The following DMD variants were observed in gnomAD, a reference collection of about 807,000 sequenced individuals.
DMD encodes the protein dystrophin, also known as mutant dystrophin.
A neutral mutation model predicts 330.1 loss-of-function variants in DMD; 63 were observed. The ratio of observed to expected loss-of-function variants is 0.19; its 90% CI spans 0.16 to 0.24. The LOEUF (loss-of-function observed/expected upper bound fraction) is 0.24, where lower values mean the gene tolerates loss of function less well. Ranked by LOEUF, DMD falls within the 10% of genes least tolerant of loss-of-function variation. DMD has a pLI of 1.00. For synonymous variants in DMD, 1,223 were observed against 959.8 expected, an observed-to-expected ratio of 1.27 and a Z score of -5.07; for missense variants, 3,344 against 2,684.1, an observed-to-expected ratio of 1.25 and a Z score of -5.43.
In DMD at chrX:31,138,680, A is replaced by AGG. The variant is rs1255113373; in HGVS notation, c.10922-4487_10922-4486insCC. On this transcript the variant is annotated intron_variant, in intron 76 of 78. Coordinates refer to ENST00000357033, the MANE Select transcript of DMD (RefSeq NM_004006.3). ...GAGAGAGAGAGAGAGAGAGAGAGAG[A>AGG]GAGAGAGAAGGGGGAAGTGCCACAC... 4.0e-3 allele frequency among the ~76,000 whole-genome samples: 162 copies of AGG among 40,481 alleles called. 8 individuals carry two copies. In the East Asian group the frequency reaches 0.047, roughly 12 times the overall value. The allele number at this position is 40,481 out of a possible 115,157, so 35.2% of individuals were successfully genotyped here.
intron 7 of DMD, among the ~76,000 whole-genome samples, chrX:32,753,548 A>C (rs749794659): frequency 8.9e-6 from 1 of 111,898 alleles, no homozygotes; most frequent in East Asian, 2.8e-4. Flanking sequence ...GTATACTCCA[A>C]CCAAGCTTCA....
At chrX:32,547,891 A>G (rs2049135130) in intron 16 of DMD, among the ~76,000 whole-genome samples, 1 of 111,606 alleles carries the variant, frequency 9.0e-6, no homozygotes, top group Non-Finnish European at 1.9e-5. Flanking sequence ...TCTTGTTAAA[A>G]CTTGTTTTGA....
At chrX:32,849,149 T>C (rs142002844) in intron 3 of DMD, among the ~76,000 whole-genome samples, 2,244 of 111,612 alleles carry the variant, frequency 0.02, 55 homozygotes, top group African/African-American at 0.069. Context: ...AAGACGATTA[T>C]TTCAGTCAGG....
At position 32,546,055 on chromosome X, in the gene DMD, T is replaced by C. The variant is rs772990181; in HGVS notation, c.1993-721A>G. Among the ~76,000 whole-genome samples, 10 of 107,137 alleles carry C rather than the reference T, an allele frequency of 9.3e-5. No homozygotes were observed. In the South Asian group the frequency reaches 4.3e-3, roughly 46 times the overall value. The allele number at this position is 107,137 out of a possible 115,157, so 93.0% of individuals were successfully genotyped here. A position where few individuals can be genotyped will look rare whatever the true frequency, so the allele number is the denominator to read the frequency against. ...TTGGTTTAGAATCTCAATTACCTCCTGTTCATACTTTTGGCAGCGGGCCGG... is the reference window on the plus strand; with the variant it reads ...TTGGTTTAGAATCTCAATTACCTCCCGTTCATACTTTTGGCAGCGGGCCGG... On this transcript the variant is annotated intron_variant, in intron 16 of 78. Transcript: ENST00000357033.
intron 7 of DMD, among the ~76,000 whole-genome samples, chrX:32,711,961 C>A (rs1831929816): frequency 8.9e-6 from 1 of 111,896 alleles, no homozygotes; most frequent in Admixed American, 9.6e-5. Context: ...TCTTCATACC[C>A]TCATTGGTAA....
intron 34 of DMD, among the ~76,000 whole-genome samples, chrX:32,372,491 T>C (rs2097883107): frequency 9.0e-6 from 1 of 111,414 alleles, no homozygotes; most frequent in Non-Finnish European, 1.9e-5. Flanking sequence ...TCATCTCTAT[T>C]CTACAGCTAT....
In DMD at chrX:31,185,422, C is replaced by G. The variant is rs182924115; in HGVS notation, c.9808-2518G>C. 2.3e-4 allele frequency among the ~76,000 whole-genome samples: 26 copies of G among 111,816 alleles called. No individual in the cohort carries two copies. In the East Asian group the frequency reaches 7.0e-3, roughly 30 times the overall value. The stretch of plus-strand genomic sequence containing the variant: ...CTTTTTAAAACATCCTTCTGTGCTT[C>G]ATTCTTATTAATTCCTTCTGCCTTA... On this transcript the variant is annotated intron_variant, in intron 67 of 78. Coordinates refer to ENST00000357033, the MANE Select transcript of DMD (RefSeq NM_004006.3).
At chrX:31,634,408 T>C (rs1176491940) in intron 54 of DMD, among the ~76,000 whole-genome samples, 1 of 111,436 alleles carries the variant, frequency 9.0e-6, no homozygotes, top group African/African-American at 3.3e-5. Context: ...CATTCCCATC[T>C]TTTGTCACCC....
At chrX:31,840,399 TATG>T (rs1244312292) in intron 48 of DMD, among the ~76,000 whole-genome samples, 1 of 108,894 alleles carries the variant, frequency 9.2e-6, no homozygotes, top group Non-Finnish European at 1.9e-5. Flanking sequence ...GTGTATTAGA[TATG>T]ATAAATACAC....
chrX:32,473,510 G>A (rs1165123400), intron 21 of DMD, among the ~76,000 whole-genome samples: 1 of 111,255 alleles, frequency 9.0e-6, no homozygotes, highest in Admixed American at 9.6e-5. Flanking sequence ...TATTTTAATT[G>A]CTGGGATATG....
chrX:32,630,500 T>C (rs1331477830), intron 11 of DMD, among the ~76,000 whole-genome samples: 1 of 111,182 alleles, frequency 9.0e-6, no homozygotes, highest in African/African-American at 3.3e-5. Context: ...TTCTGTGTTA[T>C]TACCCTCTTC....
intron 74 of DMD, among the ~76,000 whole-genome samples, chrX:31,153,361 C>T (rs1379589945): frequency 8.9e-6 from 1 of 112,089 alleles, no homozygotes; most frequent in Admixed American, 9.5e-5. Context: ...TTGTGGGGCT[C>T]TGATTTCAAA....
intron 41 of DMD, among the ~76,000 whole-genome samples, chrX:32,325,970 A>G (rs1210966698): frequency 1.8e-5 from 2 of 111,433 alleles, no homozygotes; most frequent in African/African-American, 6.5e-5. Context: ...GTAAACATTT[A>G]GCTAAGGATA....
intron 52 of DMD, among the ~76,000 whole-genome samples, chrX:31,693,499 T>C (rs1345690187): frequency 8.9e-6 from 1 of 111,738 alleles, no homozygotes; most frequent in East Asian, 2.8e-4. Context: ...TTCTTGCTGA[T>C]GACATAATCT....
chrX:32,713,094 C>A (rs750218155), intron 7 of DMD, among the ~76,000 whole-genome samples: 36 of 111,818 alleles, frequency 3.2e-4, no homozygotes, highest in African/African-American at 1.1e-3. Flanking sequence ...ATTTCTCTAT[C>A]ATGTCATACT....
In DMD at chrX:32,252,755, A is replaced by AATATATAAAT. The variant is rs1388324220; in HGVS notation, c.6290+34764_6290+34773dup. 8.0e-4 allele frequency among the ~76,000 whole-genome samples: 26 copies of AATATATAAAT among 32,575 alleles called. 1 individual carries two copies. The highest frequency in any genetic ancestry group is 1.0e-3 in the Non-Finnish European group (22 of 21,894). The allele number at this position is 32,575 out of a possible 115,157, so 28.3% of individuals were successfully genotyped here. A position where few individuals can be genotyped will look rare whatever the true frequency, so the allele number is the denominator to read the frequency against. On this transcript the variant is annotated intron_variant, in intron 43 of 78. Coordinates refer to ENST00000357033, the MANE Select transcript of DMD (RefSeq NM_004006.3). Reference sequence around the variant, plus strand: ...ATAAATATATATATAAATATATATAAATATATAAATATATATAAATATATA... The same window carrying AATATATAAAT: ...ATAAATATATATATAAATATATATAAATATATAAATATATATAAATATATATAAATATATA...
intron 60 of DMD, among the ~76,000 whole-genome samples, chrX:31,417,085 A>G (rs1008331494): frequency 1.8e-5 from 2 of 111,938 alleles, no homozygotes; most frequent in African/African-American, 3.2e-5. Flanking sequence ...AAATTTGTCA[A>G]TATGAGGAAC....
intron 9 of DMD, among the ~76,000 whole-genome samples, chrX:32,679,872 G>T (rs907238245): frequency 1.3e-4 from 8 of 61,182 alleles, no homozygotes; most frequent in African/African-American, 4.3e-4. Flanking sequence ...TCACTAAATT[G>T]TTGATGTTCG....
intron 29 of DMD, among the ~76,000 whole-genome samples, chrX:32,417,255 C>T (rs1474296650): frequency 9.0e-6 from 1 of 111,716 alleles, no homozygotes; most frequent in Admixed American, 9.5e-5. Flanking sequence ...CTCCACCATA[C>T]CCACTTATAC....
Sources: gnomAD v4.1 joint callset for allele counts (sites outside exome capture counted in the v4.1 genomes callset) on GRCh38, gnomAD v4.1.1 for gene constraint, MANE v1.5 for transcripts, NCBI Gene and HGNC (gene_info 2026-07-23, HGNC 2026-07-21) for gene names.